Variants in RANBP2 observed in about 807,000 individuals in gnomAD.
The protein encoded by RANBP2 is E3 SUMO-protein ligase RanBP2.
Under a neutral mutation model 303.6 loss-of-function variants are expected in RANBP2, and 57 were observed. The observed-to-expected ratio is 0.19, with a 90% CI of 0.15 to 0.23. The LOEUF is 0.23. Ranked by LOEUF, RANBP2 falls within the 10% of genes least tolerant of loss-of-function variation. The pLI is 1.00. For synonymous variants in RANBP2, 1,167 were observed against 1,301.5 expected (o/e 0.90, Z 2.23); for missense variants, 3,138 against 3,780.8 (o/e 0.83, Z 4.46).
the RANBP2 span, among the ~76,000 whole-genome samples, chr2:109,151,816 G>A: frequency 6.6e-6 from 1 of 152,230 alleles, no homozygotes; most frequent in African/African-American, 2.4e-5. Context: ...ATTTGCATCT[G>A]CAAATTGTGG....
chr2:109,579,521 T>A, the RANBP2 span, among the ~76,000 whole-genome samples: 2 of 151,810 alleles, frequency 1.3e-5, no homozygotes, highest in Admixed American at 1.3e-4. Context: ...GTAGCTGGGA[T>A]TACAGGCGCC....
chr2:109,196,298 C>T, the RANBP2 span, among the ~76,000 whole-genome samples: 4 of 152,174 alleles, frequency 2.6e-5, no homozygotes, highest in Non-Finnish European at 4.4e-5. Context: ...GGCCAGCAGC[C>T]CTGGATTGGT....
chr2:109,066,585 T>C, the RANBP2 span, among the ~76,000 whole-genome samples: 4 of 152,306 alleles, frequency 2.6e-5, no homozygotes, highest in Middle Eastern at 3.4e-3. Flanking sequence ...TGGTGTCCGC[T>C]GCCCACAGGT....
chr2:109,620,575 G>A, the RANBP2 span, among the ~76,000 whole-genome samples: 1 of 152,152 alleles, frequency 6.6e-6, no homozygotes, highest in Non-Finnish European at 1.5e-5. Context: ...GGTGGTGCAT[G>A]CCTGTAATCC....
chr2:109,572,656 G>A, the RANBP2 span, among the ~76,000 whole-genome samples: 19 of 129,868 alleles, frequency 1.5e-4, no homozygotes, highest in Non-Finnish European at 1.5e-4. Context: ...TCGCTCTGTC[G>A]CCCAGGCTGG....
At chr2:109,048,481 C>A in the RANBP2 span, among the ~76,000 whole-genome samples, 1,097 of 152,246 alleles carry the variant, frequency 7.2e-3, 7 homozygotes, top group East Asian at 0.034. Flanking sequence ...CCCCACCATG[C>A]AACCTATTGA....
At chr2:109,316,276 C>G in the RANBP2 span, among the ~76,000 whole-genome samples, 1 of 152,124 alleles carries the variant, frequency 6.6e-6, no homozygotes, top group Non-Finnish European at 1.5e-5. Flanking sequence ...TGCTGTGGGC[C>G]TCGGTCCAGG....
the RANBP2 span, among the ~76,000 whole-genome samples, chr2:109,471,732 C>A: frequency 1.3e-5 from 2 of 152,216 alleles, no homozygotes; most frequent in Non-Finnish European, 1.5e-5. Context: ...CTCAGCCTCA[C>A]ATACCTAATA....
At chr2:109,648,258 G>A in the RANBP2 span, among the ~76,000 whole-genome samples, 7 of 152,206 alleles carry the variant, frequency 4.6e-5, no homozygotes, top group Non-Finnish European at 1.0e-4. Flanking sequence ...GCAGGAAGGA[G>A]GCTTGGCTGG....
chr2:109,677,644 C>T, the RANBP2 span, among the ~76,000 whole-genome samples: 3 of 152,194 alleles, frequency 2.0e-5, no homozygotes, highest in Non-Finnish European at 4.4e-5. Context: ...CACCTGTGCA[C>T]GTCCTGCCTT....
the RANBP2 span, among the ~76,000 whole-genome samples, chr2:109,540,925 T>C: frequency 6.6e-6 from 1 of 152,184 alleles, no homozygotes; most frequent in African/African-American, 2.4e-5. Context: ...GTAAACTACA[T>C]ACAGCTGCTT....
At chr2:109,523,384 G>A in the RANBP2 span, among the ~76,000 whole-genome samples, 3 of 152,110 alleles carry the variant, frequency 2.0e-5, no homozygotes, top group Non-Finnish European at 4.4e-5. Context: ...TGGTGAGGAT[G>A]CTCAGGGTCT....
At chr2:109,421,547 C>T in the RANBP2 span, among the ~76,000 whole-genome samples, 1 of 152,216 alleles carries the variant, frequency 6.6e-6, no homozygotes, top group Non-Finnish European at 1.5e-5. Context: ...TCCTGGATGG[C>T]TTCTAAATTT....
Position 108,777,240 on chromosome 2 carries a change from A to C in RANBP2, c.8599+9A>C. On this transcript the variant is annotated intron_variant, in intron 25 of 28. Transcript: ENST00000283195. ...TGCTTTTGGTTCTAAAGGTAAGATC[A>C]AGAGGAGAGACTTTTAATGACATTG... 6.2e-7 allele frequency: 1 copy of C among 1,604,040 alleles called. No individual in the cohort carries two copies.
the RANBP2 span, among the ~76,000 whole-genome samples, chr2:109,140,714 A>AT: frequency 6.6e-6 from 1 of 152,032 alleles, no homozygotes; most frequent in Admixed American, 6.6e-5. Flanking sequence ...GGGAAATAGA[A>AT]TTTTTTCCCT....
chr2:109,502,478 G>A, the RANBP2 span: 2 of 152,176 alleles, frequency 1.3e-5, no homozygotes, highest in Admixed American at 1.3e-4. Context: ...ACATCAAAGG[G>A]GCAGAATTTT....
At chr2:109,564,508 C>G in the RANBP2 span, 1 of 1,547,218 alleles carries the variant, frequency 6.5e-7, no homozygotes, top group Admixed American at 1.8e-5. Flanking sequence ...CGCAGCTTTA[C>G]AAAGTCACAG....
the RANBP2 span, among the ~76,000 whole-genome samples, chr2:108,820,746 A>G: frequency 6.6e-6 from 1 of 150,752 alleles, no homozygotes; most frequent in African/African-American, 2.4e-5. Flanking sequence ...CAAGAGTACT[A>G]TATCCAGCTA....
chr2:109,231,274 G>A, the RANBP2 span, among the ~76,000 whole-genome samples: 9 of 152,228 alleles, frequency 5.9e-5, no homozygotes, highest in Non-Finnish European at 1.3e-4. Flanking sequence ...CAGCTGAGAG[G>A]AATTGGTGGG....
Sources: gnomAD v4.1 joint callset for allele counts (sites outside exome capture counted in the v4.1 genomes callset) on GRCh38, gnomAD v4.1.1 for gene constraint, MANE v1.5 for transcripts, NCBI Gene and HGNC (gene_info 2026-07-23, HGNC 2026-07-21) for gene names.